TCF4: variants seen among roughly 807,000 people sequenced by gnomAD.
The protein encoded by TCF4 is transcription factor 4, also known as SL3-3 enhancer factor 2.
In TCF4, 3 loss-of-function variants were observed where a neutral mutation model predicts 82.1. The ratio of observed to expected loss-of-function variants is 0.04; its 90% CI spans 0.02 to 0.09. The LOEUF is 0.09. Ranked by LOEUF, TCF4 falls within the 10% of genes least tolerant of loss-of-function variation. The pLI is 1.00. For missense variants in TCF4, 518 were observed against 852.7 expected, an observed-to-expected ratio of 0.61 and a Z score of 4.89; for synonymous variants, 276 against 309.6, an observed-to-expected ratio of 0.89 and a Z score of 1.14.
chr18:55,495,790 A>T (rs2096628279), intron 3 of TCF4: 1 of 152,206 alleles, frequency 6.6e-6, no homozygotes, highest in African/African-American at 2.4e-5. Context: ...ACAGCAATAT[A>T]ATCTAGACCT....
At chr18:55,528,585 C>T (rs2097020098) in intron 3 of TCF4, among the ~76,000 whole-genome samples, 1 of 152,098 alleles carries the variant, frequency 6.6e-6, no homozygotes, top group South Asian at 2.1e-4. Context: ...ATGCTAAAGC[C>T]ACAGACTTGG....
chr18:55,391,553 G>T (rs2093095366), intron 6 of TCF4, among the ~76,000 whole-genome samples: 1 of 152,032 alleles, frequency 6.6e-6, no homozygotes, highest in Non-Finnish European at 1.5e-5. Flanking sequence ...GGAGAACACA[G>T]AGTGAGCAGA....
intron 2 of TCF4, among the ~76,000 whole-genome samples, chr18:55,627,985 G>A (rs913244590): frequency 1.3e-5 from 2 of 151,458 alleles, no homozygotes; most frequent in Admixed American, 1.3e-4. Flanking sequence ...GCGTGAACCC[G>A]GGAGGCGGAG....
chr18:55,317,411 A>G (rs912094408), intron 8 of TCF4, among the ~76,000 whole-genome samples: 1 of 152,060 alleles, frequency 6.6e-6, no homozygotes. Flanking sequence ...AATAGTAAGT[A>G]TAAGAAATAT....
rs777670211 is a variant in TCF4 at position 55,279,671 on chromosome 18, C to A, written c.550-15G>T. On this transcript the variant is annotated splice_polypyrimidine_tract_variant and intron_variant, in intron 8 of 19. Coordinates refer to ENST00000354452, the MANE Select transcript of TCF4 (RefSeq NM_001083962.2). ...GGAGCATAGACCTGAGGAGAAAGAA[C>A]CAACTGAGTTTTGCTTTTTGCATTG... 8.1e-6 allele frequency: 13 copies of A among 1,613,646 alleles called. No homozygotes were observed. Among genetic ancestry groups the A allele is most frequent in the Non-Finnish European group, 1.0e-5 (12 of 1,179,792 alleles).
At chr18:55,440,461 T>C (rs2095418540) in intron 5 of TCF4, among the ~76,000 whole-genome samples, 1 of 152,234 alleles carries the variant, frequency 6.6e-6, no homozygotes, top group African/African-American at 2.4e-5. Flanking sequence ...TGTGTCTGTG[T>C]CTGACATCTG....
At chr18:55,628,835 G>T (rs1187372148) in intron 2 of TCF4, among the ~76,000 whole-genome samples, 1 of 152,268 alleles carries the variant, frequency 6.6e-6, no homozygotes, top group South Asian at 2.1e-4. Context: ...TGCATTTGAG[G>T]CTGACAAACG....
upstream of TCF4, chr18:55,589,701 CTCA>C (rs1603625003): frequency 1.9e-6 from 2 of 1,032,226 alleles, no homozygotes; most frequent in African/African-American, 1.7e-5. Context: ...CATCCTCCTC[CTCA>C]TCATCATCAC....
intron 6 of TCF4, among the ~76,000 whole-genome samples, chr18:55,374,850 A>G (rs1603412876): frequency 7.5e-6 from 1 of 132,510 alleles, no homozygotes; most frequent in African/African-American, 2.8e-5. Flanking sequence ...TCCAGTTTTG[A>G]GGATAGAGTG....
intron 8 of TCF4, among the ~76,000 whole-genome samples, chr18:55,308,721 A>T (rs1422054514): frequency 6.6e-6 from 1 of 152,226 alleles, no homozygotes; most frequent in East Asian, 1.9e-4. Flanking sequence ...TCAAGCTCTA[A>T]ATTTAAATTC....
intron 1 of TCF4, among the ~76,000 whole-genome samples, chr18:55,635,190 G>A (rs1270919259): frequency 6.6e-6 from 1 of 152,124 alleles, no homozygotes; most frequent in African/African-American, 2.4e-5. Context: ...AAGAGTCAAC[G>A]CCTTGTACAG....
intron 8 of TCF4, among the ~76,000 whole-genome samples, chr18:55,309,187 G>C (rs1360623189): frequency 6.6e-6 from 1 of 151,962 alleles, no homozygotes; most frequent in African/African-American, 2.4e-5. Flanking sequence ...ATCACAGCTT[G>C]CTGCAGCCTC....
intron 5 of TCF4, among the ~76,000 whole-genome samples, chr18:55,428,963 A>G (rs1460679894): frequency 6.6e-6 from 1 of 152,222 alleles, no homozygotes; most frequent in Non-Finnish European, 1.5e-5. Context: ...CAGACAACAA[A>G]AAAGAGAAAA....
intron 3 of TCF4, among the ~76,000 whole-genome samples, chr18:55,577,835 CT>C (rs2147716067): frequency 6.6e-6 from 1 of 151,970 alleles, no homozygotes; most frequent in South Asian, 2.1e-4. Context: ...AGCAAGTGGT[CT>C]TTTCCCAAGG....
At chr18:55,293,671 G>A (rs1444567731) in intron 8 of TCF4, among the ~76,000 whole-genome samples, 1 of 152,096 alleles carries the variant, frequency 6.6e-6, no homozygotes, top group Admixed American at 6.6e-5. Context: ...TGAAATAGTA[G>A]GGGCCCTAAG....
chr18:55,561,854 C>G (rs1190555767), intron 3 of TCF4, among the ~76,000 whole-genome samples: 16 of 151,994 alleles, frequency 1.1e-4, no homozygotes, highest in Admixed American at 1.0e-3. Flanking sequence ...AAAGTGATGT[C>G]CAGAGCAATA....
intron 8 of TCF4, among the ~76,000 whole-genome samples, chr18:55,303,417 C>G (rs145556493): frequency 2.0e-5 from 3 of 152,138 alleles, no homozygotes; most frequent in Admixed American, 6.5e-5. Context: ...CTTTTGCCTT[C>G]GTGTCCCTAC....
chr18:55,399,876 TCTCTCACA>T (rs774593809), intron 6 of TCF4, among the ~76,000 whole-genome samples: 14,184 of 114,644 alleles, frequency 0.12, 783 homozygotes, highest in East Asian at 0.27. Context: ...TCTCTCTCTC[TCTCTCACA>T]CACACACACA....
intron 3 of TCF4, among the ~76,000 whole-genome samples, chr18:55,529,032 G>GC (rs1490058235): frequency 2.0e-5 from 3 of 152,092 alleles, no homozygotes; most frequent in Admixed American, 2.0e-4. Flanking sequence ...ACAAAAATTA[G>GC]CCGGGCATGG....
Sources: allele counts gnomAD v4.1 joint callset (sites outside exome capture counted in the v4.1 genomes callset), GRCh38; gene constraint gnomAD v4.1.1; transcripts MANE v1.5; gene names NCBI Gene and HGNC (gene_info 2026-07-23, HGNC 2026-07-21).